NCOR2: variants seen among roughly 807,000 people sequenced by gnomAD.
The protein encoded by NCOR2 is CTG repeat protein 26.
NCOR2 carries 81 observed loss-of-function variants against 262.9 expected under a neutral mutation model. The ratio of observed to expected loss-of-function variants is 0.31; its 90% CI spans 0.26 to 0.37. The LOEUF (loss-of-function observed/expected upper bound fraction) is 0.37. Among genes scored for constraint, NCOR2 ranks in the 10% least tolerant of loss-of-function variants. NCOR2 has a pLI of 1.00. For synonymous variants in NCOR2, 1,659 were observed against 1,559.3 expected (o/e 1.06, Z -1.51); for missense variants, 3,385 against 3,621.4 (o/e 0.93, Z 1.68).
chr12:124,490,512 G>A (rs1203630644), intron 1 of NCOR2, among the ~76,000 whole-genome samples: 1 of 151,952 alleles, frequency 6.6e-6, no homozygotes, highest in Non-Finnish European at 1.5e-5. Flanking sequence ...CCCCAGCATG[G>A]GAGCTCCCAC....
At chr12:124,555,026 G>A (rs950898242) in intron 1 of NCOR2, among the ~76,000 whole-genome samples, 1 of 152,218 alleles carries the variant, frequency 6.6e-6, no homozygotes. Context: ...AGGGATGAAA[G>A]CACACAATGG....
chr12:124,331,947 G>A (rs1370800686), intron 43 of NCOR2: 10 of 242,914 alleles, frequency 4.1e-5, no homozygotes, highest in African/African-American at 1.3e-4. Flanking sequence ...AGAGTGGGGC[G>A]TTCATACCCA....
intron 20 of NCOR2, 29 bp from the exon 23 acceptor site, chr12:124,363,828 G>A: frequency 2.3e-6 from 3 of 1,326,480 alleles, no homozygotes; most frequent in Non-Finnish European, 2.9e-6. Flanking sequence ...CATCAGCTGG[G>A]GGCCCACAGC....
Position 124,415,512 on chromosome 12 carries a change from G to A in NCOR2, c.1482+4445C>T, listed in dbSNP as rs547575212. ...CCCCGTGGTTGTGAACCAGGCCTGT[G>A]GGGGGTGGCAGGGCCCAGGCCACGC... On this transcript the variant is annotated intron_variant, in intron 13 of 46. Coordinates refer to ENST00000405201, the Ensembl canonical transcript of NCOR2. Among the ~76,000 whole-genome samples the A allele has an allele frequency of 2.0e-5, 3 of 152,348 alleles. No individual in the cohort carries two copies. The South Asian group carries it at 6.2e-4, about 32-fold the overall frequency.
At chr12:124,452,305 C>T (rs1783994083) in intron 6 of NCOR2, among the ~76,000 whole-genome samples, 1 of 152,250 alleles carries the variant, frequency 6.6e-6, no homozygotes, top group Non-Finnish European at 1.5e-5. Flanking sequence ...GGCAACCACA[C>T]TGGCTCCTTT....
intron 5 of NCOR2, among the ~76,000 whole-genome samples, chr12:124,464,027 G>A (rs755777138): frequency 3.9e-5 from 6 of 152,220 alleles, no homozygotes; most frequent in Non-Finnish European, 8.8e-5. Flanking sequence ...CTGCCCTTAC[G>A]GAGTTTCCAT....
chr12:124,366,572 T>C (rs1304997892), intron 20 of NCOR2, among the ~76,000 whole-genome samples: 1 of 152,172 alleles, frequency 6.6e-6, no homozygotes, highest in Non-Finnish European at 1.5e-5. Flanking sequence ...AGTGCAGTGC[T>C]GTAATCTCAC....
intron 32 of NCOR2, among the ~76,000 whole-genome samples, chr12:124,343,503 C>T (rs915279322): frequency 3.3e-5 from 5 of 152,184 alleles, no homozygotes; most frequent in Non-Finnish European, 2.9e-5. Flanking sequence ...ACTGGGGTCA[C>T]CCCAGTGAAC....
intron 1 of NCOR2, among the ~76,000 whole-genome samples, chr12:124,562,947 C>G (rs1305149768): frequency 6.6e-6 from 1 of 152,158 alleles, no homozygotes; most frequent in Non-Finnish European, 1.5e-5. Context: ...ACCATAAAGT[C>G]AGAAGCAGCA....
intron 16 of NCOR2, among the ~76,000 whole-genome samples, chr12:124,387,919 A>G (rs1033722026): frequency 2.3e-5 from 3 of 133,228 alleles, no homozygotes; most frequent in Non-Finnish European, 3.3e-5. Flanking sequence ...TGGAGAGCTC[A>G]GGGGGTGGGG....
chr12:124,398,043 C>T lies in NCOR2; in HGVS notation c.1876+76G>A, dbSNP rs1350357496. 16 of 1,561,632 alleles carry T rather than the reference C, an allele frequency of 1.0e-5. No homozygotes were observed. The African/African-American group carries it at 1.6e-4, about 16-fold the overall frequency. On this transcript the variant is annotated intron_variant, in intron 16 of 46. Transcript: ENST00000405201. ...CCTGGCTCAAGGCCAAATGTGTCAACACCCTCCCCAGCACGTGAGCTTCAG... is the reference window on the plus strand; with the variant it reads ...CCTGGCTCAAGGCCAAATGTGTCAATACCCTCCCCAGCACGTGAGCTTCAG...
In NCOR2 at chr12:124,483,081, G is replaced by A. The variant is rs778384018; in HGVS notation, c.411+515C>T. ...CCCTGAGCTGTCCACCTCGCGGGCC[G>A]GGGTTCAAGGCCCAGGGGGCTGCCT... On this transcript the variant is annotated intron_variant, in intron 3 of 46. Transcript: ENST00000405201. The surrounding 1 kb of genome is among the most constrained non-coding windows in gnomAD (Gnocchi z 6.3). Among the ~76,000 whole-genome samples the A allele has an allele frequency of 1.2e-4, 18 of 152,110 alleles. No individual in the cohort carries two copies. The highest frequency in any genetic ancestry group is 5.2e-4 in the Admixed American group (8 of 15,298).
chr12:124,363,364 G>A (rs908005346), intron 21 of NCOR2, among the ~76,000 whole-genome samples: 5 of 152,236 alleles, frequency 3.3e-5, no homozygotes, highest in Admixed American at 1.3e-4. Flanking sequence ...CCAAGCTGTT[G>A]CTATAGCTGA....
intron 1 of NCOR2, among the ~76,000 whole-genome samples, chr12:124,563,001 AG>A (rs1270648975): frequency 6.6e-6 from 1 of 152,204 alleles, no homozygotes; most frequent in Non-Finnish European, 1.5e-5. Context: ...GGCTCACAAT[AG>A]GTAAGTAACT....
chr12:124,398,697 C>G lies in NCOR2; in HGVS notation c.1814-516G>C, dbSNP rs143798086. Among the ~76,000 whole-genome samples, 40 of 152,360 alleles carry G rather than the reference C, an allele frequency of 2.6e-4. No individual in the cohort carries two copies. The East Asian group carries it at 7.7e-3, about 29-fold the overall frequency. On this transcript the variant is annotated intron_variant, in intron 15 of 46. Coordinates refer to ENST00000405201, the Ensembl canonical transcript of NCOR2. Reference sequence around the variant, plus strand: ...CGGCAGGATGCTTAGCAACCCTGGACTCTGCACGCTGGACTCCAGCAACCC... The same window carrying G: ...CGGCAGGATGCTTAGCAACCCTGGAGTCTGCACGCTGGACTCCAGCAACCC...
exon 36 of NCOR2, chr12:124,340,329 G>T (rs1202589414): frequency 1.2e-6 from 2 of 1,612,740 alleles, no homozygotes; most frequent in East Asian, 4.5e-5. Context: ...CACCGTCGTG[G>T]TGGACGTGAG....
intron 1 of NCOR2, among the ~76,000 whole-genome samples, chr12:124,508,070 G>A (rs866277767): frequency 2.0e-5 from 3 of 152,192 alleles, no homozygotes; most frequent in South Asian, 2.1e-4. Flanking sequence ...CAGCAGCAGC[G>A]TCCAGGGCGA....
chr12:124,485,311 G>A (rs2047716231), intron 2 of NCOR2, among the ~76,000 whole-genome samples: 1 of 152,212 alleles, frequency 6.6e-6, no homozygotes, highest in African/African-American at 2.4e-5. Flanking sequence ...TAGGATCACT[G>A]GGATCCTTGT....
intron 5 of NCOR2, among the ~76,000 whole-genome samples, chr12:124,463,216 A>G (rs141565868): frequency 3.3e-5 from 5 of 152,360 alleles, no homozygotes; most frequent in Admixed American, 6.5e-5. Context: ...CCCGGAACCA[A>G]CAGGCTCCTA....
Sources: gnomAD v4.1 joint callset for allele counts (sites outside exome capture counted in the v4.1 genomes callset) on GRCh38, gnomAD v4.1.1 for gene constraint, Gnocchi (gnomAD v3.1) non-coding constraint, MANE v1.5 for transcripts, NCBI Gene and HGNC (gene_info 2026-07-23, HGNC 2026-07-21) for gene names.